Variants in DIP2B observed in about 807,000 individuals in gnomAD.
DIP2B encodes disco-interacting protein 2 homolog B.
A neutral mutation model predicts 198.0 loss-of-function variants in DIP2B; 76 were observed. That is an observed-to-expected ratio of 0.38 (90% confidence interval 0.32 to 0.46). DIP2B has a LOEUF of 0.46. Among genes scored for constraint, DIP2B ranks in the 20% least tolerant of loss-of-function variants. The pLI is 0.99. For missense variants in DIP2B, 1,559 were observed against 1,978.4 expected (o/e 0.79, Z 4.02); for synonymous variants, 701 against 739.1 (o/e 0.95, Z 0.84).
At chr12:50,649,895 G>A (rs1438830924) in intron 3 of DIP2B, among the ~76,000 whole-genome samples, 3 of 151,910 alleles carry the variant, frequency 2.0e-5, no homozygotes, top group African/African-American at 7.3e-5. Flanking sequence ...GAGATCTTAT[G>A]TAAAAGAGAA....
At chr12:50,573,883 T>TA (rs1958636136) in intron 1 of DIP2B, among the ~76,000 whole-genome samples, 3 of 152,352 alleles carry the variant, frequency 2.0e-5, no homozygotes, top group East Asian at 3.9e-4. Flanking sequence ...CAGAGATAAA[T>TA]ATTTATGAAT....
intron 1 of DIP2B, among the ~76,000 whole-genome samples, chr12:50,535,368 ATTTT>A (rs35491499): frequency 7.1e-6 from 1 of 141,822 alleles, no homozygotes; most frequent in Non-Finnish European, 1.5e-5. Flanking sequence ...GAATCAGGAA[ATTTT>A]TTTTTTTTTT....
chr12:50,719,686 T>C (rs1939797186), intron 25 of DIP2B, among the ~76,000 whole-genome samples: 1 of 151,236 alleles, frequency 6.6e-6, no homozygotes, highest in Non-Finnish European at 1.5e-5. Flanking sequence ...ACTAAAAATA[T>C]AAAAATCAGC....
At chr12:50,697,417 GATTA>G (rs1939332351) in intron 17 of DIP2B, among the ~76,000 whole-genome samples, 1 of 150,790 alleles carries the variant, frequency 6.6e-6, no homozygotes, top group East Asian at 1.9e-4. Flanking sequence ...TAGCACCTTA[GATTA>G]AAAATAGACT....
chr12:50,639,528 C>T (rs996036164), intron 2 of DIP2B, among the ~76,000 whole-genome samples: 2 of 151,480 alleles, frequency 1.3e-5, no homozygotes, highest in African/African-American at 4.9e-5. Flanking sequence ...TACTCTGATG[C>T]TATCAGTCTT....
chr12:50,597,814 C>T (rs953985503), intron 1 of DIP2B, among the ~76,000 whole-genome samples: 7 of 152,120 alleles, frequency 4.6e-5, no homozygotes, highest in African/African-American at 1.4e-4. Context: ...TCTTTGTGCA[C>T]ATAAAGTATG....
At chr12:50,603,001 A>G (rs1163725280) in intron 1 of DIP2B, among the ~76,000 whole-genome samples, 2 of 151,328 alleles carry the variant, frequency 1.3e-5, no homozygotes, top group East Asian at 3.9e-4. Context: ...TGTCTCTACT[A>G]AAAATACAAA....
Position 50,664,830 on chromosome 12 carries a change from G to GTTTTTTTTTTTTTT in DIP2B, c.427+4516_427+4517insTTTTTTTTTTTTTT, listed in dbSNP as rs1205734576. ...CAAGGAGAATTTCCCTCCTTTTTTG[G>GTTTTTTTTTTTTTT]TTTTTGTTTTTTTTTTTTTTTTTTT... On this transcript the variant is annotated intron_variant, in intron 4 of 37. Coordinates refer to ENST00000301180, the MANE Select transcript of DIP2B (RefSeq NM_173602.3). Among the ~76,000 whole-genome samples, 15 of 99,686 alleles carry GTTTTTTTTTTTTTT rather than the reference G, an allele frequency of 1.5e-4. 6 individuals are homozygous for GTTTTTTTTTTTTTT. Among genetic ancestry groups the GTTTTTTTTTTTTTT allele is most frequent in the African/African-American group, 6.3e-4 (15 of 23,964 alleles). 65.4% of individuals were successfully genotyped at this position (99,686 alleles called of 152,430 possible). A position where few individuals can be genotyped will look rare whatever the true frequency, so the allele number is the denominator to read the frequency against.
At chr12:50,635,032 A>G (rs1445221578) in intron 2 of DIP2B, among the ~76,000 whole-genome samples, 1 of 152,232 alleles carries the variant, frequency 6.6e-6, no homozygotes, top group Non-Finnish European at 1.5e-5. Flanking sequence ...TGTGCAGAGT[A>G]TATCAATTCT....
chr12:50,608,018 C>T (rs1565843187), intron 1 of DIP2B, among the ~76,000 whole-genome samples: 1 of 152,132 alleles, frequency 6.6e-6, no homozygotes, highest in South Asian at 2.1e-4. Flanking sequence ...GTGTCAAACT[C>T]CTGACCTCTG....
At position 50,666,175 on chromosome 12, in the gene DIP2B, G is replaced by A. The variant is rs116302925; in HGVS notation, c.428-5011G>A. Among the ~76,000 whole-genome samples, 929 of 152,238 alleles carry A rather than the reference G, an allele frequency of 6.1e-3. 9 individuals carry two copies. The highest frequency in any genetic ancestry group is 0.022 in the African/African-American group (897 of 41,526). ...AGTACAATAAAAACCCACTGTATCC[G>A]GTTGAATTTGTTTCAATACCTGATT... On this transcript the variant is annotated intron_variant, in intron 4 of 37. Transcript: ENST00000301180.
intron 1 of DIP2B, among the ~76,000 whole-genome samples, chr12:50,527,477 A>T (rs994252590): frequency 2.0e-5 from 3 of 152,214 alleles, no homozygotes; most frequent in South Asian, 2.1e-4. Context: ...TATGGCTGAG[A>T]GATAAAACTT....
At chr12:50,738,015 C>A (rs1414551469) in intron 35 of DIP2B, among the ~76,000 whole-genome samples, 4 of 152,068 alleles carry the variant, frequency 2.6e-5, no homozygotes, top group Non-Finnish European at 4.4e-5. Context: ...AGGTTAATTT[C>A]TTGGGGCCTC....
rs544131037 is a variant in DIP2B at position 50,581,899 on chromosome 12, C to CT, written c.101-44071dup. Among the ~76,000 whole-genome samples the CT allele has an allele frequency of 2.4e-4, 36 of 152,102 alleles. No individual in the cohort carries two copies. The East Asian group carries it at 7.0e-3, about 29-fold the overall frequency. On this transcript the variant is annotated intron_variant, in intron 1 of 37. Transcript: ENST00000301180. Reference sequence around the variant, plus strand: ...AAAGATAAATATCTTTTACTTTTTTCTTTTTTGCAGCCAGAATGTAGCCTT... The same window carrying CT: ...AAAGATAAATATCTTTTACTTTTTTCTTTTTTTGCAGCCAGAATGTAGCCTT...
chr12:50,505,001 T>TGGCGGCGGCGGCGGGGGCGGCGGC lies in DIP2B; in HGVS notation c.-126_-125insGGGCGGCGGCGGCGGCGGCGGCGG. 1 of 650,322 alleles carries TGGCGGCGGCGGCGGGGGCGGCGGC rather than the reference T, an allele frequency of 1.5e-6. No individual in the cohort carries two copies. The highest frequency in any genetic ancestry group is 2.6e-6 in the Non-Finnish European group (1 of 384,764). The allele number at this position is 650,322 out of a possible 1,614,324, so 40.3% of individuals were successfully genotyped here. A position where few individuals can be genotyped will look rare whatever the true frequency, so the allele number is the denominator to read the frequency against. On this transcript the variant is annotated 5_prime_UTR_variant, in exon 1 of 38. Coordinates refer to ENST00000301180, the MANE Select transcript of DIP2B (RefSeq NM_173602.3). ...GTCGCGCTCACGTGACCTTTGCTCA[T>TGGCGGCGGCGGCGGGGGCGGCGGC]GGCGGCGGCGGCGGCGGCGGCGGTG...
At chr12:50,666,759 C>T (rs903677956) in intron 4 of DIP2B, among the ~76,000 whole-genome samples, 1 of 152,092 alleles carries the variant, frequency 6.6e-6, no homozygotes, top group South Asian at 2.1e-4. Context: ...TGGTGGCTCA[C>T]GCCTGTAATC....
chr12:50,695,473 A>G, intron 15 of DIP2B, 113 bp downstream of exon 15: 1 of 995,354 alleles, frequency 1.0e-6, no homozygotes, highest in Non-Finnish European at 1.5e-6. Flanking sequence ...AACAAATTGT[A>G]GAGTTTAGTT....
chr12:50,537,263 TTGCTTTA>T (rs1958279139), intron 1 of DIP2B, among the ~76,000 whole-genome samples: 1 of 133,522 alleles, frequency 7.5e-6, no homozygotes, highest in South Asian at 2.5e-4. Context: ...ACCTGCCAGA[TTGCTTTA>T]TAATTGTTTG....
At chr12:50,537,730 A>C (rs1218477051) in intron 1 of DIP2B, among the ~76,000 whole-genome samples, 1 of 152,202 alleles carries the variant, frequency 6.6e-6, no homozygotes, top group East Asian at 1.9e-4. Flanking sequence ...TTAGGAAGCT[A>C]GAGGAGAAAG....
Sources: gnomAD v4.1 joint callset for allele counts (sites outside exome capture counted in the v4.1 genomes callset) on GRCh38, gnomAD v4.1.1 for gene constraint, MANE v1.5 for transcripts, NCBI Gene and HGNC (gene_info 2026-07-23, HGNC 2026-07-21) for gene names.